RAPGEF4: variants seen among roughly 807,000 people sequenced by gnomAD.
RAPGEF4 encodes Rap guanine nucleotide exchange factor 4.
A neutral mutation model predicts 147.9 loss-of-function variants in RAPGEF4; 66 were observed. That is an observed-to-expected ratio of 0.45 (90% CI 0.37 to 0.55). The LOEUF (loss-of-function observed/expected upper bound fraction) is 0.55, where lower values mean the gene tolerates loss of function less well. Among genes scored for constraint, RAPGEF4 ranks in the 20% least tolerant of loss-of-function variants. The pLI is 0.00. For synonymous variants in RAPGEF4, 419 were observed against 442.7 expected (o/e 0.95, Z 0.67); for missense variants, 1,071 against 1,257.3 (o/e 0.85, Z 2.24).
intron 4 of RAPGEF4, among the ~76,000 whole-genome samples, chr2:172,915,703 CA>C (rs10676347): frequency 6.1e-5 from 7 of 113,830 alleles, no homozygotes; most frequent in African/African-American, 1.7e-4. Flanking sequence ...GACCCTGTCT[CA>C]AAAAAAAAAA....
intron 4 of RAPGEF4, among the ~76,000 whole-genome samples, chr2:172,905,351 T>G (rs1699518988): frequency 6.6e-6 from 1 of 152,230 alleles, no homozygotes; most frequent in South Asian, 2.1e-4. Flanking sequence ...CCAGCAGGCA[T>G]GCAGTCAATA....
At chr2:173,037,274 C>G (rs1020163176) in intron 29 of RAPGEF4, among the ~76,000 whole-genome samples, 3 of 134,306 alleles carry the variant, frequency 2.2e-5, no homozygotes, top group Non-Finnish European at 5.2e-5. Flanking sequence ...GGCTAAAGTG[C>G]AGTGTTGTGA....
chr2:173,046,205 A>G (rs774938488), intron 29 of RAPGEF4, among the ~76,000 whole-genome samples: 33 of 152,234 alleles, frequency 2.2e-4, no homozygotes, highest in Non-Finnish European at 3.8e-4. Context: ...AATTAAAACC[A>G]TTGTTAAAAT....
intron 4 of RAPGEF4, among the ~76,000 whole-genome samples, chr2:172,836,283 CAT>C (rs1690914696): frequency 6.6e-6 from 1 of 152,170 alleles, no homozygotes; most frequent in Non-Finnish European, 1.5e-5. Flanking sequence ...TCTGCCTCCA[CAT>C]GTCTATGGCA....
intron 4 of RAPGEF4, among the ~76,000 whole-genome samples, chr2:172,838,426 G>C (rs1037128706): frequency 1.3e-5 from 2 of 152,088 alleles, no homozygotes; most frequent in Non-Finnish European, 2.9e-5. Context: ...GATTAACTTA[G>C]AGAAAATGAA....
chr2:172,911,055 A>G (rs1214605069), intron 4 of RAPGEF4, among the ~76,000 whole-genome samples: 2 of 151,970 alleles, frequency 1.3e-5, no homozygotes, highest in Non-Finnish European at 2.9e-5. Flanking sequence ...ACAGTTCACA[A>G]CCCCTCCCAC....
chr2:172,897,938 C>CAAGG (rs1290210749), intron 4 of RAPGEF4, among the ~76,000 whole-genome samples: 2 of 151,904 alleles, frequency 1.3e-5, no homozygotes. Flanking sequence ...GACAGTGGAA[C>CAAGG]AAGGTTAGGG....
intron 4 of RAPGEF4, among the ~76,000 whole-genome samples, chr2:172,849,069 C>A (rs1692533333): frequency 6.8e-6 from 1 of 147,882 alleles, no homozygotes; most frequent in Admixed American, 6.7e-5. Flanking sequence ...TCTCTGGGAG[C>A]TTTTCTTTTT....
chr2:172,759,722 A>T (rs957792638), intron 1 of RAPGEF4, among the ~76,000 whole-genome samples: 1 of 152,230 alleles, frequency 6.6e-6, no homozygotes, highest in African/African-American at 2.4e-5. Context: ...CTTTTGGTAC[A>T]TATGGCAGTT....
chr2:172,888,792 C>A (rs1221243142), intron 4 of RAPGEF4, among the ~76,000 whole-genome samples: 2 of 152,092 alleles, frequency 1.3e-5, no homozygotes, highest in African/African-American at 4.8e-5. Flanking sequence ...ATACAGAAAG[C>A]AGCATTTTTC....
chr2:172,832,137 T>C (rs913268599), intron 4 of RAPGEF4, among the ~76,000 whole-genome samples: 1 of 152,206 alleles, frequency 6.6e-6, no homozygotes, highest in Non-Finnish European at 1.5e-5. Context: ...TTATTAAAAG[T>C]GTTTCTTCAT....
In RAPGEF4 at chr2:172,790,049, T is replaced by C. The variant is rs116203750; in HGVS notation, c.66-4976T>C. Among the ~76,000 whole-genome samples, 1,486 of 152,322 alleles carry C rather than the reference T, an allele frequency of 9.8e-3. 13 individuals carry two copies. Among genetic ancestry groups the C allele is most frequent in the African/African-American group, 0.033 (1,382 of 41,576 alleles). ...TGAGGAATCTCTAAACTGATTTTCA[T>C]AGCAACCACACCATTTTAGATACTG... On this transcript the variant is annotated intron_variant, in intron 1 of 30. Transcript: ENST00000397081.
At chr2:172,821,504 A>G in intron 4 of RAPGEF4, 1 of 850,594 alleles carries the variant, frequency 1.2e-6, no homozygotes. Context: ...AATAAACATG[A>G]AAGCCAAGAC....
intron 29 of RAPGEF4, among the ~76,000 whole-genome samples, chr2:173,041,380 C>A (rs1684742161): frequency 6.6e-6 from 1 of 152,082 alleles, no homozygotes; most frequent in Admixed American, 6.6e-5. Flanking sequence ...TATAGATTTC[C>A]CAGGCCAGGC....
At chr2:172,914,009 G>C (rs892954834) in intron 4 of RAPGEF4, among the ~76,000 whole-genome samples, 1 of 152,126 alleles carries the variant, frequency 6.6e-6, no homozygotes, top group Admixed American at 6.6e-5. Context: ...TATACACCAT[G>C]CTGTAGTTTG....
At chr2:173,004,592 AT>A (rs1694257347) in intron 17 of RAPGEF4, among the ~76,000 whole-genome samples, 1 of 152,044 alleles carries the variant, frequency 6.6e-6, no homozygotes, top group African/African-American at 2.4e-5. Context: ...ATTAAGCAAT[AT>A]TTTGTGACTA....
At chr2:173,032,606 C>T (rs1254787904) in intron 26 of RAPGEF4, among the ~76,000 whole-genome samples, 1 of 152,154 alleles carries the variant, frequency 6.6e-6, no homozygotes, top group Non-Finnish European at 1.5e-5. Flanking sequence ...ATCCTGGCAT[C>T]CCTTGATGCC....
intron 27 of RAPGEF4, 45 bp from the exon 28 acceptor site, chr2:173,036,080 G>A: frequency 7.2e-7 from 1 of 1,393,906 alleles, no homozygotes; most frequent in East Asian, 2.3e-5. Flanking sequence ...AAAGGGTGGT[G>A]TATCTGTCAC....
intron 4 of RAPGEF4, among the ~76,000 whole-genome samples, chr2:172,879,096 A>G (rs1273442009): frequency 2.0e-5 from 3 of 152,196 alleles, no homozygotes; most frequent in African/African-American, 2.4e-5. Context: ...TCATAAAGAT[A>G]TTATATAAGG....
Sources: allele counts gnomAD v4.1 joint callset (sites outside exome capture counted in the v4.1 genomes callset), GRCh38; gene constraint gnomAD v4.1.1; transcripts MANE v1.5; gene names NCBI Gene and HGNC (gene_info 2026-07-23, HGNC 2026-07-21).